RYR2: variants seen among roughly 807,000 people sequenced by gnomAD.
RYR2 encodes cardiac muscle ryanodine receptor-calcium release channel.
A neutral mutation model predicts 601.1 loss-of-function variants in RYR2; 227 were observed. That is an observed-to-expected ratio of 0.38 (90% CI 0.34 to 0.42). The LOEUF (loss-of-function observed/expected upper bound fraction) is 0.42, where lower values mean the gene tolerates loss of function less well. Among genes scored for constraint, RYR2 ranks in the 10% least tolerant of loss-of-function variants. RYR2 has a pLI of 1.00. For synonymous variants in RYR2, 2,223 were observed against 2,175.1 expected (o/e 1.02, Z -0.61); for missense variants, 4,646 against 6,156.5 (o/e 0.75, Z 8.21).
chr1:237,718,795 T>C (rs1027101088), intron 73 of RYR2, among the ~76,000 whole-genome samples: 8 of 152,230 alleles, frequency 5.3e-5, no homozygotes, highest in Non-Finnish European at 8.8e-5. Flanking sequence ...TTAATTATTA[T>C]ACTTTAAGTT....
rs530435547 is a variant in RYR2, at chr1:237,351,252, A to G, written c.274-4713A>G. Among the ~76,000 whole-genome samples the G allele has an allele frequency of 2.6e-3, 394 of 152,282 alleles. 1 individual carries two copies. Among genetic ancestry groups the G allele is most frequent in the Non-Finnish European group, 4.6e-3 (313 of 67,972 alleles). ...GAGGAAGTTATTCGGCCCTAAATAC[A>G]TAAGAAGAACTGAATAATCAGTTAT... On this transcript the variant is annotated intron_variant, in intron 3 of 104. Coordinates refer to ENST00000366574, the MANE Select transcript of RYR2 (RefSeq NM_001035.3).
chr1:237,116,493 A>G (rs558227636), intron 1 of RYR2, among the ~76,000 whole-genome samples: 5 of 152,310 alleles, frequency 3.3e-5, no homozygotes, highest in Admixed American at 6.5e-5. Flanking sequence ...AAGCAATTAT[A>G]TCTATTTGCT....
At chr1:237,768,604 C>T (rs1694028947) in intron 84 of RYR2, among the ~76,000 whole-genome samples, 1 of 152,172 alleles carries the variant, frequency 6.6e-6, no homozygotes, top group Admixed American at 6.5e-5. Flanking sequence ...CATGTTACTC[C>T]ATTCCGTTAT....
chr1:237,625,069 A>G (rs775093041), intron 39 of RYR2, among the ~76,000 whole-genome samples: 20 of 151,608 alleles, frequency 1.3e-4, no homozygotes, highest in Non-Finnish European at 2.7e-4. Flanking sequence ...TTTTTCTACA[A>G]GTATCCCTGT....
chr1:237,180,526 T>A lies in RYR2; in HGVS notation c.49-89971T>A, dbSNP rs1345572184. 6.6e-6 allele frequency among the ~76,000 whole-genome samples: 1 copy of A among 151,752 alleles called. No homozygotes were observed. The highest frequency in any genetic ancestry group is 1.9e-4 in the East Asian group (1 of 5,186). On this transcript the variant is annotated intron_variant, in intron 1 of 104. Coordinates refer to ENST00000366574, the MANE Select transcript of RYR2 (RefSeq NM_001035.3). This position sits in a 1 kb window ranked among gnomAD's most constrained non-coding sequence, Gnocchi z 5.3. ...GTGCAACCCTTCTTTTTCTGCTTAGTCTTTCTGGTTGGCTCAGATTGAAAA... is the reference window on the plus strand; with the variant it reads ...GTGCAACCCTTCTTTTTCTGCTTAGACTTTCTGGTTGGCTCAGATTGAAAA...
intron 25 of RYR2, among the ~76,000 whole-genome samples, chr1:237,539,608 C>T (rs1043129173): frequency 3.3e-5 from 5 of 152,134 alleles, no homozygotes; most frequent in African/African-American, 1.2e-4. Context: ...CCAAACACTG[C>T]ATGTTCTCAC....
chr1:237,484,363 C>CA (rs1662448285), intron 17 of RYR2, among the ~76,000 whole-genome samples: 1 of 151,958 alleles, frequency 6.6e-6, no homozygotes, highest in Non-Finnish European at 1.5e-5. Context: ...GAAACAGTAC[C>CA]ATGGGGGGTG....
chr1:237,794,144 CTG>C lies in RYR2; in HGVS notation c.13913+149_13913+150del. ...CCAAGAAAAATCTAAAGACTCAGTG[CTG>C]TCCAACTCTTAATGGTGGATGTCCT... On this transcript the variant is annotated intron_variant, in intron 95 of 104. Coordinates refer to ENST00000366574, the MANE Select transcript of RYR2 (RefSeq NM_001035.3). 4.5e-6 allele frequency: 3 copies of C among 664,756 alleles called. No homozygotes were observed. In the South Asian group the frequency reaches 6.1e-5, roughly 13 times the overall value. The allele number at this position is 664,756 out of a possible 1,614,324, so 41.2% of individuals were successfully genotyped here.
chr1:237,792,364 T>C lies in RYR2; in HGVS notation c.13782+41T>C, dbSNP rs1426141632. 1.7e-5 allele frequency: 15 copies of C among 876,338 alleles called. No individual in the cohort carries two copies. The Admixed American group carries it at 2.7e-4, about 16-fold the overall frequency. 54.3% of individuals were successfully genotyped at this position (876,338 alleles called of 1,614,324 possible). On this transcript the variant is annotated intron_variant, in intron 94 of 104. Transcript: ENST00000366574. ...ACCAAGGTACCTGTGTGTGTGTGTG[T>C]GTGTGTGTGTGTGTGTGCGTGTGTG...
chr1:237,767,877 G>A (rs1693962492), intron 84 of RYR2, among the ~76,000 whole-genome samples: 1 of 152,060 alleles, frequency 6.6e-6, no homozygotes, highest in South Asian at 2.1e-4. Context: ...TTTCCTCTAT[G>A]GCAGCGGGGT....
intron 90 of RYR2, 96 bp from the exon 91 acceptor site, chr1:237,785,873 A>G (rs1312871930): frequency 4.8e-5 from 41 of 859,970 alleles, no homozygotes; most frequent in South Asian, 4.3e-4. Flanking sequence ...GGTATCTTAT[A>G]TAGGTTATGG....
At chr1:237,790,514 C>T (rs1658246074) in intron 92 of RYR2, among the ~76,000 whole-genome samples, 1 of 152,030 alleles carries the variant, frequency 6.6e-6, no homozygotes, top group Non-Finnish European at 1.5e-5. Flanking sequence ...CCAACTGCAC[C>T]AAGTCCTCCT....
At chr1:237,325,160 G>A (rs1055527634) in intron 2 of RYR2, among the ~76,000 whole-genome samples, 6 of 152,310 alleles carry the variant, frequency 3.9e-5, no homozygotes, top group South Asian at 4.1e-4. Flanking sequence ...GGCAGAACAC[G>A]TTGATTAATC....
At chr1:237,502,268 G>A (rs975217637) in intron 21 of RYR2, among the ~76,000 whole-genome samples, 2 of 152,192 alleles carry the variant, frequency 1.3e-5, no homozygotes, top group Non-Finnish European at 2.9e-5. Flanking sequence ...TTTTTCAATG[G>A]AACTCAGATT....
At chr1:237,497,954 C>G (rs545059472) in intron 20 of RYR2, among the ~76,000 whole-genome samples, 1 of 151,840 alleles carries the variant, frequency 6.6e-6, no homozygotes, top group African/African-American at 2.4e-5. Context: ...CTCTGCCTCC[C>G]GGGTTCAAGC....
At chr1:237,534,948 A>G (rs549997201) in intron 25 of RYR2, among the ~76,000 whole-genome samples, 1 of 151,088 alleles carries the variant, frequency 6.6e-6, no homozygotes, top group Non-Finnish European at 1.5e-5. Flanking sequence ...TGTATTTATT[A>G]CCTCACATAA....
intron 19 of RYR2, among the ~76,000 whole-genome samples, chr1:237,493,710 C>T (rs1478120561): frequency 5.3e-5 from 8 of 152,196 alleles, no homozygotes; most frequent in African/African-American, 1.9e-4. Flanking sequence ...CCTTGGCCTC[C>T]CAAAATGCTG....
At chr1:237,612,395 A>G (rs1476435080) in intron 36 of RYR2, among the ~76,000 whole-genome samples, 2 of 152,220 alleles carry the variant, frequency 1.3e-5, no homozygotes, top group Admixed American at 6.5e-5. Flanking sequence ...CTATTAAATT[A>G]TGTATTTTAA....
Position 237,819,125 on chromosome 1 carries a change from C to T in RYR2, c.14523C>T (p.Ile4841=). The change falls in exon 101 of 105, where the codon ATC becomes ATT. Residue 4841 remains isoleucine, a synonymous_variant. Coordinates refer to ENST00000366574, the MANE Select transcript of RYR2 (RefSeq NM_001035.3). This position sits in a 1 kb window ranked among gnomAD's most constrained non-coding sequence, Gnocchi z 4.0. ...ACCCAGCAGGAGATGAATATGAGAT[C>T]TATCGAATCATCTTTGACATCACTT... ...IEDPAGDEYE[I]YRIIFDITFF... 1 of 1,613,578 alleles carries T rather than the reference C, an allele frequency of 6.2e-7. No homozygotes were observed. The highest frequency in any genetic ancestry group is 1.1e-5 in the South Asian group (1 of 91,080).
Sources: gnomAD v4.1 joint callset for allele counts (sites outside exome capture counted in the v4.1 genomes callset) on GRCh38, gnomAD v4.1.1 for gene constraint, Gnocchi (gnomAD v3.1) non-coding constraint, MANE v1.5 for transcripts, NCBI Gene and HGNC (gene_info 2026-07-23, HGNC 2026-07-21) for gene names.